SNRNP200: variants seen among roughly 807,000 people sequenced by gnomAD.
The protein encoded by SNRNP200 is U5 small nuclear ribonucleoprotein 200 kDa helicase.
In SNRNP200, 66 loss-of-function variants were observed where a neutral mutation model predicts 255.2. The observed-to-expected ratio is 0.26, with a 90% CI of 0.21 to 0.32. The LOEUF (loss-of-function observed/expected upper bound fraction) is 0.32. Among genes scored for constraint, SNRNP200 ranks in the 10% least tolerant of loss-of-function variants. The pLI, the probability that SNRNP200 is intolerant of heterozygous loss-of-function variation, is 1.00. For missense variants in SNRNP200, 1,585 were observed against 2,749.8 expected (o/e 0.58, Z 9.47); for synonymous variants, 939 against 1,027.8 (o/e 0.91, Z 1.65).
chr2:96,288,890 A>T, intron 23 of SNRNP200, 144 bp from the exon 24 acceptor site: 1 of 1,040,056 alleles, frequency 9.6e-7, no homozygotes, highest in South Asian at 1.4e-5. Context: ...GTTATTTCAT[A>T]TAAAAAGAAC....
intron 35 of SNRNP200, among the ~76,000 whole-genome samples, chr2:96,280,493 C>T (rs960828899): frequency 2.0e-5 from 3 of 151,378 alleles, no homozygotes; most frequent in African/African-American, 4.9e-5. Flanking sequence ...ACAAGATTGT[C>T]TTAAAAAAAA....
intron 3 of SNRNP200, among the ~76,000 whole-genome samples, chr2:96,302,408 T>C (rs922709351): frequency 6.6e-6 from 1 of 152,236 alleles, no homozygotes; most frequent in Non-Finnish European, 1.5e-5. Context: ...CATGGTCTCA[T>C]CCTCTGGCCA....
rs1185842026 is a variant in SNRNP200, at chr2:96,277,335, T to C, written c.5932-94A>G. On this transcript the variant is annotated intron_variant, in intron 41 of 44. Transcript: ENST00000323853. The surrounding 1 kb of genome is among the most constrained non-coding windows in gnomAD (Gnocchi z 4.4). ...GAGCTACTAATTTTACCTCCTACAC[T>C]ATCAAGTCATCTAGATAAAACAGCT... 2 of 1,401,768 alleles carry C rather than the reference T, an allele frequency of 1.4e-6. No homozygotes were observed. Among genetic ancestry groups the C allele is most frequent in the African/African-American group, 1.4e-5 (1 of 70,832 alleles). 86.8% of individuals were successfully genotyped at this position (1,401,768 alleles called of 1,614,324 possible).
At chr2:96,300,786 T>C (rs781586510) in intron 5 of SNRNP200, among the ~76,000 whole-genome samples, 2 of 152,180 alleles carry the variant, frequency 1.3e-5, no homozygotes, top group Non-Finnish European at 2.9e-5. Flanking sequence ...TTATATTGCT[T>C]TACATTTGTT....
chr2:96,301,909 G>A (rs2063955067), intron 3 of SNRNP200, among the ~76,000 whole-genome samples, 193 bp from the exon 4 acceptor site: 1 of 152,152 alleles, frequency 6.6e-6, no homozygotes, highest in Admixed American at 6.5e-5. Flanking sequence ...AGATTAGCTA[G>A]GTGGCCTCAA....
chr2:96,284,646 G>T, intron 30 of SNRNP200, 61 bp from the exon 31 acceptor site: 1 of 1,227,584 alleles, frequency 8.1e-7, no homozygotes, highest in Non-Finnish European at 1.2e-6. Flanking sequence ...TTTCACTTAT[G>T]TGAGGAAAAC....
chr2:96,299,258 T>C, intron 6 of SNRNP200, 71 bp downstream of exon 6: 1 of 1,364,314 alleles, frequency 7.3e-7, no homozygotes, highest in Middle Eastern at 1.8e-4. Flanking sequence ...TAACAGGACC[T>C]AGGCATGGGG....
Position 96,276,924 on chromosome 2 carries a change from T to C in SNRNP200, c.6154A>G (p.Ile2052Val). ...CGCACCTGCGGGAAGAGAGGCGCAA[T>C]GACAGGGCCTGTGACTTCCTCCTCT... ...EREEEVTGPV[I>V]APLFPQKREE... The change falls in exon 43 of 45, where the codon ATT becomes GTT. Residue 2052 changes from isoleucine to valine, a missense_variant. Physicochemically the swap from Ile to Val is conservative, Grantham distance 29 (BLOSUM62 3). Around this residue, in one of 9 missense-constraint regions of SNRNP200, gnomAD observed 279 missense variants for 551.2 expected, o/e 0.51. Transcript: ENST00000323853. The C allele has an allele frequency of 1.9e-6, 3 of 1,613,992 alleles. No individual in the cohort carries two copies. The highest frequency in any genetic ancestry group is 2.5e-6 in the Non-Finnish European group (3 of 1,180,002).
chr2:96,292,963 C>T lies in SNRNP200; in HGVS notation c.2160+9G>A, dbSNP rs750311572. On this transcript the variant is annotated intron_variant, in intron 16 of 44. Transcript: ENST00000323853. ...GGGGTTCAAGAGTAACCATAAACCA[C>T]GGGCAAACCTGATTTTTTCCAGCAT... 25 of 1,613,794 alleles carry T rather than the reference C, an allele frequency of 1.5e-5. No individual in the cohort carries two copies. Among genetic ancestry groups the T allele is most frequent in the South Asian group, 1.4e-4 (13 of 91,056 alleles).
In SNRNP200 at chr2:96,274,669, T is replaced by C. The variant is rs968407806; in HGVS notation, c.*343A>G. The C allele has an allele frequency of 2.7e-6, 1 of 364,984 alleles. No individual in the cohort carries two copies. The highest frequency in any genetic ancestry group is 5.2e-6 in the Non-Finnish European group (1 of 190,558). 22.6% of individuals were successfully genotyped at this position (364,984 alleles called of 1,614,324 possible). A position where few individuals can be genotyped will look rare whatever the true frequency, so the allele number is the denominator to read the frequency against. ...CCTGGCTAAAAAATAACCAGATCTT[T>C]TTGGCCGTGCCCTCAGGTTGGAGAA... On this transcript the variant is annotated 3_prime_UTR_variant, in exon 45 of 45. Coordinates refer to ENST00000323853, the MANE Select transcript of SNRNP200 (RefSeq NM_014014.5).
At chr2:96,305,255 C>T (rs1457514933) in intron 1 of SNRNP200, 138 bp downstream of exon 1, 1 of 1,159,428 alleles carries the variant, frequency 8.6e-7, no homozygotes, top group East Asian at 2.4e-5. Flanking sequence ...ATCGTATAAC[C>T]CCCACCTTCA....
At position 96,297,707 on chromosome 2, in the gene SNRNP200, C is replaced by T. The variant is rs1477327778; in HGVS notation, c.1133G>A (p.Arg378Gln). The T allele has an allele frequency of 9.3e-6, 15 of 1,614,072 alleles. No homozygotes were observed. Among genetic ancestry groups the T allele is most frequent in the African/African-American group, 1.3e-5 (1 of 74,912 alleles). Reference protein sequence around the residue: ...KEDLIREERSRRERVRQSRMD... With the variant: ...KEDLIREERSQRERVRQSRMD... ...TCGAGACTGACGCACTCGCTCTCTC[C>T]GGGACCTTTCCTCCTGTAGTGGACA... Residue 378 changes from arginine (R) to glutamine (Q), a missense_variant, in exon 10 of 45, where the codon CGG becomes CAG. By Grantham distance (43) the Arg-to-Gln change is conservative (BLOSUM62 1). Transcript: ENST00000323853.
chr2:96,298,242 G>A (rs375831820), intron 9 of SNRNP200, 42 bp downstream of exon 9: 80 of 1,613,524 alleles, frequency 5.0e-5, no homozygotes, highest in Admixed American at 2.0e-4. Context: ...TCTAGCCACC[G>A]TTAGCTCAGA....
In SNRNP200 at chr2:96,290,627, T is replaced by C; in HGVS notation, c.2553+57A>G. On this transcript the variant is annotated intron_variant, in intron 19 of 44. Coordinates refer to ENST00000323853, the MANE Select transcript of SNRNP200 (RefSeq NM_014014.5). This position sits in a 1 kb window ranked among gnomAD's most constrained non-coding sequence, Gnocchi z 4.5. ...TGATCTGCTAGCTTTCCAGCATCCC[T>C]GCATTTCAGGCAAGGATACTGATCC... 8.1e-6 allele frequency: 13 copies of C among 1,613,824 alleles called. No individual in the cohort carries two copies. The highest frequency in any genetic ancestry group is 4.5e-5 in the East Asian group (2 of 44,876).
intron 34 of SNRNP200, chr2:96,282,365 A>G (rs1014502462): frequency 2.3e-5 from 5 of 216,904 alleles, no homozygotes; most frequent in Non-Finnish European, 4.8e-5. Flanking sequence ...AGGCTCCAAT[A>G]AACAGTATTA....
At chr2:96,301,755 G>T in intron 3 of SNRNP200, 39 bp from the exon 4 acceptor site, 1 of 1,609,916 alleles carries the variant, frequency 6.2e-7, no homozygotes, top group South Asian at 1.1e-5. Flanking sequence ...TGAGAACGAC[G>T]ACAGGCAAAA....
rs1170013051 is a variant in SNRNP200 at position 96,304,553 on chromosome 2, A to G, written c.209+152T>C. The G allele has an allele frequency of 3.8e-6, 4 of 1,065,592 alleles. No individual in the cohort carries two copies. In the South Asian group the frequency reaches 4.0e-5, roughly 11 times the overall value. 66.0% of individuals were successfully genotyped at this position (1,065,592 alleles called of 1,614,324 possible). ...GAGATGCACTTGTTAAGGCCAAAAA[A>G]TCTTTAAACTCTCCTGGTCTGTTTT... On this transcript the variant is annotated intron_variant, in intron 2 of 44. Transcript: ENST00000323853.
Position 96,298,344 on chromosome 2 carries a change from G to A in SNRNP200, c.1059C>T (p.Asp353=). 6.2e-7 allele frequency: 1 copy of A among 1,614,134 alleles called. No individual in the cohort carries two copies. Among genetic ancestry groups the A allele is most frequent in the Non-Finnish European group, 8.5e-7 (1 of 1,180,038 alleles). The change falls in exon 9 of 45, where the codon GAC becomes GAT. Residue 353 remains aspartate (D), a synonymous_variant. Transcript: ENST00000323853. Reference sequence around the variant, plus strand: ...GGTAGAGGAACTTGGATAGCTCTGGGTCAGCTTCCATCTTTCCCATAATCC... The same window carrying A: ...GGTAGAGGAACTTGGATAGCTCTGGATCAGCTTCCATCTTTCCCATAATCC... The part of the protein sequence containing the change: ...KERIMGKMEA[D]PELSKFLYQL...
Position 96,298,619 on chromosome 2 carries a change from C to T in SNRNP200, c.966G>A (p.Arg322=). The change falls in exon 8 of 45, where the codon CGG becomes CGA. Residue 322 remains arginine, a synonymous_variant. Transcript: ENST00000323853. ...TATACTCACTCATCATCCTGTGCTG[C>T]CGCAACACTTTAATGAAATCAAAGG... ...FNTFDFIKVL[R]QHRMMILYCT... 5.0e-6 allele frequency: 8 copies of T among 1,614,156 alleles called. No individual in the cohort carries two copies. The highest frequency in any genetic ancestry group is 6.8e-6 in the Non-Finnish European group (8 of 1,179,992).
Sources: gnomAD v4.1 joint callset for allele counts (sites outside exome capture counted in the v4.1 genomes callset) on GRCh38, gnomAD v4.1.1 for gene constraint, gnomAD v4.1.1 regional missense constraint, Gnocchi (gnomAD v3.1) non-coding constraint, MANE v1.5 for transcripts, NCBI Gene and HGNC (gene_info 2026-07-23, HGNC 2026-07-21) for gene names.